The following MED16 variants were observed in gnomAD, a reference collection of about 807,000 sequenced individuals.
MED16 encodes the protein mediator of RNA polymerase II transcription subunit 16.
MED16 carries 81 observed loss-of-function variants against 84.4 expected under a neutral mutation model. That is an observed-to-expected ratio of 0.96 (90% CI 0.80 to 1.15). The LOEUF (loss-of-function observed/expected upper bound fraction) is 1.15, where lower values mean the gene tolerates loss of function less well. MED16 is among the 50% of genes most tolerant of loss of function. The pLI is 0.00. For missense variants in MED16, 1,585 were observed against 1,245.9 expected, an observed-to-expected ratio of 1.27 and a Z score of -4.10; for synonymous variants, 897 against 552.2, an observed-to-expected ratio of 1.62 and a Z score of -8.76.
At chr19:878,729 C>T (rs1235768680) in intron 8 of MED16, among the ~76,000 whole-genome samples, 4 of 102,884 alleles carry the variant, frequency 3.9e-5, no homozygotes, top group Middle Eastern at 0.011. Context: ...GGTTGTCAAT[C>T]CCCACCAGGG....
intron 11 of MED16, among the ~76,000 whole-genome samples, chr19:873,216 C>G (rs1348007103): frequency 2.9e-5 from 4 of 140,300 alleles, no homozygotes; most frequent in East Asian, 2.1e-4. Flanking sequence ...TAAGAAGAGA[C>G]AGACTCAGGA....
At chr19:874,132 G>T (rs571919378) in intron 10 of MED16, among the ~76,000 whole-genome samples, 9 of 131,978 alleles carry the variant, frequency 6.8e-5, no homozygotes, top group African/African-American at 2.5e-4. Flanking sequence ...TTTTTTTTTT[G>T]AGACAGAGTC....
rs1437125654 is a variant in MED16 at position 878,079 on chromosome 19, CCCCCAG to C, written c.1354-905_1354-900del. Among the ~76,000 whole-genome samples, 116 of 136,122 alleles carry C rather than the reference CCCCCAG, an allele frequency of 8.5e-4. 1 individual carries two copies. The highest frequency in any genetic ancestry group is 1.4e-3 in the Non-Finnish European group (89 of 63,738). The allele number at this position is 136,122 out of a possible 152,430, so 89.3% of individuals were successfully genotyped here. A position where few individuals can be genotyped will look rare whatever the true frequency, so the allele number is the denominator to read the frequency against. ...CTCGCCTTCCCCTGGCTGTCAATGC[CCCCCAG>C]CCCCAGCCCCAGCGCCACGTGCCCC... is the stretch of plus-strand genomic sequence containing the variant. On this transcript the variant is annotated intron_variant, in intron 8 of 15. Coordinates refer to ENST00000325464, the MANE Select transcript of MED16 (RefSeq NM_005481.3).
At chr19:877,508 G>C (rs1007014699) in intron 8 of MED16, among the ~76,000 whole-genome samples, 1 of 137,818 alleles carries the variant, frequency 7.3e-6, no homozygotes, top group Non-Finnish European at 1.6e-5. Context: ...CTCCTAATAC[G>C]TGCTGTGAGC....
chr19:868,383 C>G, intron 15 of MED16, 33 bp downstream of exon 15: 1 of 1,605,334 alleles, frequency 6.2e-7, no homozygotes, highest in Non-Finnish European at 8.5e-7. Context: ...TCAGGGGTAG[C>G]TGAGGGGCAC....
intron 2 of MED16, chr19:890,547 A>G: frequency 1.6e-5 from 6 of 370,688 alleles, no homozygotes; most frequent in Non-Finnish European, 2.9e-5. Context: ...TTTGATTCCA[A>G]TTTTCTGTGG....
intron 8 of MED16, 127 bp downstream of exon 8, chr19:879,807 CAAT>C: frequency 8.7e-7 from 1 of 1,142,958 alleles, no homozygotes; most frequent in Non-Finnish European, 1.3e-6. Flanking sequence ...CCCTGGCTGT[CAAT>C]CCCCACCAGG....
Position 890,686 on chromosome 19 carries a change from G to A in MED16, c.169+277C>T, listed in dbSNP as rs759793017. On this transcript the variant is annotated intron_variant, in intron 2 of 15. Transcript: ENST00000325464. ...CACACCGTCTAGAAAACTGGGGCAC[G>A]TGTCTCCAACAAGCCTCCGTCAACC... Among the ~76,000 whole-genome samples, 4 of 152,184 alleles carry A rather than the reference G, an allele frequency of 2.6e-5. No homozygotes were observed. The South Asian group carries it at 6.2e-4, about 24-fold the overall frequency.
chr19:890,343 C>T, intron 2 of MED16, 99 bp from the exon 3 acceptor site: 2 of 796,210 alleles, frequency 2.5e-6, no homozygotes, highest in South Asian at 1.9e-5. Flanking sequence ...GTGTGTCCCA[C>T]CCCAGGAAGG....
chr19:891,927 GTGATGGGGAA>G (rs1347173094), intron 1 of MED16, among the ~76,000 whole-genome samples: 2 of 136,928 alleles, frequency 1.5e-5, no homozygotes, highest in Admixed American at 7.2e-5. Flanking sequence ...GGGGCTGAGT[GTGATGGGGAA>G]CACCTGTGGC....
intron 2 of MED16, 190 bp from the exon 3 acceptor site, chr19:890,434 C>G (rs567308940): frequency 2.1e-6 from 1 of 485,714 alleles, no homozygotes; most frequent in Admixed American, 3.8e-5. Context: ...CTGTGAGGCG[C>G]CACAACTGTG....
At position 877,658 on chromosome 19, in the gene MED16, C is replaced by CCCCAGA. The variant is rs201064678; in HGVS notation, c.1354-484_1354-479dup. On this transcript the variant is annotated intron_variant, in intron 8 of 15. Transcript: ENST00000325464. ...GGCACCCTCCCAGCCCCAGCCCCAG[C>CCCCAGA]CCCAGACCCACGTGCCCCAGCAGCT... Among the ~76,000 whole-genome samples the CCCCAGA allele has an allele frequency of 3.9e-4, 56 of 144,552 alleles. 1 individual carries two copies. The highest frequency in any genetic ancestry group is 5.4e-4 in the Non-Finnish European group (36 of 66,126). 94.8% of individuals were successfully genotyped at this position (144,552 alleles called of 152,430 possible).
chr19:868,062 G>T lies in MED16; in HGVS notation c.*39C>A, dbSNP rs754462464. The T allele has an allele frequency of 3.2e-6, 5 of 1,565,556 alleles. No individual in the cohort carries two copies. The South Asian group carries it at 5.9e-5, about 18-fold the overall frequency. The stretch of plus-strand genomic sequence containing the variant: ...AGGCAAGGAAACCGAGGAGACGCCC[G>T]AGCCGGGTCACCACAAGGTCCGCCT... On this transcript the variant is annotated 3_prime_UTR_variant, in exon 16 of 16. Transcript: ENST00000325464.
At chr19:876,822 G>T (rs1469460388) in intron 9 of MED16, 152 bp downstream of exon 9, 2 of 711,536 alleles carry the variant, frequency 2.8e-6, no homozygotes, top group South Asian at 3.9e-5. Flanking sequence ...TACTGACCAC[G>T]GGGCCCCTGC....
chr19:880,013 C>G lies in MED16; in HGVS notation c.1277G>C (p.Gly426Ala). Residue 426 changes from glycine to alanine, a missense_variant, in exon 8 of 16, where the codon GGC (glycine) becomes GCC (alanine). Transcript: ENST00000325464. ...EPAMKRPRTA[G>A]PAVHLKAMQL... is the part of the protein sequence containing the mutation. ...CATAGCCTTTAAGTGGACGGCGGGGCCCGCGGTGCGGGGGCGCTTCATGGC... is the reference window on the plus strand; with the variant it reads ...CATAGCCTTTAAGTGGACGGCGGGGGCCGCGGTGCGGGGGCGCTTCATGGC... 6.2e-7 allele frequency: 1 copy of G among 1,610,216 alleles called. No homozygotes were observed. Among genetic ancestry groups the G allele is most frequent in the Non-Finnish European group, 8.5e-7 (1 of 1,178,742 alleles).
rs55939330 is a variant in MED16 at position 877,415 on chromosome 19, C to A, written c.1354-235G>T. ...CCTGAGCCCCGACTGCACTGGATGC[C>A]GAGCCAGGCTTACACTCGTCTGCTT... On this transcript the variant is annotated intron_variant, in intron 8 of 15. Coordinates refer to ENST00000325464, the MANE Select transcript of MED16 (RefSeq NM_005481.3). Among the ~76,000 whole-genome samples, 5 of 152,088 alleles carry A rather than the reference C, an allele frequency of 3.3e-5. No homozygotes were observed. In the South Asian group the frequency reaches 1.0e-3, roughly 31 times the overall value.
Position 871,246 on chromosome 19 carries a change from A to G in MED16, c.2106T>C (p.Asp702=), listed in dbSNP as rs868381701. ...LLTKLWICCR[D]EGPASEPDEA... ...CGTCCGGCTCGCTCGCTGGGCCCTC[A>G]TCGCGACCTGCGGAGAGAGGTGGCG... Residue 702 remains aspartate (D), a synonymous_variant, in exon 13 of 16, where the codon GAT becomes GAC. Coordinates refer to ENST00000325464, the MANE Select transcript of MED16 (RefSeq NM_005481.3). 2.6e-6 allele frequency: 4 copies of G among 1,537,512 alleles called. No homozygotes were observed. Among genetic ancestry groups the G allele is most frequent in the East Asian group, 2.5e-5 (1 of 40,768 alleles).
chr19:872,462 G>C (rs1052127847), intron 11 of MED16, among the ~76,000 whole-genome samples: 1 of 152,052 alleles, frequency 6.6e-6, no homozygotes, highest in South Asian at 2.1e-4. Flanking sequence ...TGACTGTACT[G>C]GGAGCTGAGA....
At chr19:868,293 G>A (rs560554377) in intron 15 of MED16, 42 bp from the exon 16 acceptor site, 7 of 1,587,518 alleles carry the variant, frequency 4.4e-6, no homozygotes, top group Admixed American at 1.8e-5. Flanking sequence ...GGAGAGTCCA[G>A]GGCGAGCGGT....
Sources: gnomAD v4.1 joint callset for allele counts (sites outside exome capture counted in the v4.1 genomes callset) on GRCh38, gnomAD v4.1.1 for gene constraint, MANE v1.5 for transcripts, NCBI Gene and HGNC (gene_info 2026-07-23, HGNC 2026-07-21) for gene names.